COG2: variants seen among roughly 807,000 people sequenced by gnomAD.
COG2 encodes conserved oligomeric Golgi complex subunit 2.
In COG2, 52 loss-of-function variants were observed where a neutral mutation model predicts 90.6. That is an observed-to-expected ratio of 0.57 (90% confidence interval 0.46 to 0.72). COG2 has a LOEUF of 0.72. COG2 is among the 30% of genes least tolerant of loss of function. The pLI, the probability that COG2 is intolerant of heterozygous loss-of-function variation, is 0.00. For missense variants in COG2, 829 were observed against 891.2 expected, an observed-to-expected ratio of 0.93 and a Z score of 0.89; for synonymous variants, 337 against 320.4, an observed-to-expected ratio of 1.05 and a Z score of -0.55.
intron 16 of COG2, among the ~76,000 whole-genome samples, 185 bp from the exon 17 acceptor site, chr1:230,691,197 ATG>A (rs1663017014): frequency 6.6e-6 from 1 of 152,108 alleles, no homozygotes; most frequent in Non-Finnish European, 1.5e-5. Flanking sequence ...ACGTATATAC[ATG>A]TATATATATA....
chr1:230,678,918 T>C lies in COG2; in HGVS notation c.1032T>C (p.Tyr344=), dbSNP rs1437775709. The stretch of plus-strand genomic sequence containing the variant: ...TTCCTTTTGTTTTATTTTAGAAATA[T>C]ACCATAAGTATGGATTTTGTCAGAA... The part of the protein sequence containing the change: ...PGNPDAFHEK[Y]TISMDFVRRL... The change falls in exon 10 of 18, where the codon TAT becomes TAC. Residue 344 remains tyrosine, a synonymous_variant. Coordinates refer to ENST00000366669, the MANE Select transcript of COG2 (RefSeq NM_007357.3). 2 of 1,611,316 alleles carry C rather than the reference T, an allele frequency of 1.2e-6. No homozygotes were observed. The highest frequency in any genetic ancestry group is 1.7e-5 in the Admixed American group (1 of 59,770).
At chr1:230,672,693 TA>T (rs1207308120) in intron 8 of COG2, among the ~76,000 whole-genome samples, 4 of 151,884 alleles carry the variant, frequency 2.6e-5, no homozygotes, top group Non-Finnish European at 5.9e-5. Flanking sequence ...TTTTTTCTCC[TA>T]ATGTTCAGCA....
intron 15 of COG2, among the ~76,000 whole-genome samples, chr1:230,689,528 G>T (rs1365054354): frequency 6.6e-6 from 1 of 152,234 alleles, no homozygotes; most frequent in Non-Finnish European, 1.5e-5. Flanking sequence ...GCTAAGAAAG[G>T]TTACATTCCT....
chr1:230,686,761 C>T (rs1425906235), intron 12 of COG2, among the ~76,000 whole-genome samples, 174 bp from the exon 13 acceptor site: 2 of 152,140 alleles, frequency 1.3e-5, no homozygotes, highest in African/African-American at 4.8e-5. Flanking sequence ...TCTCTTAGTG[C>T]TTCACTCCTT....
chr1:230,666,780 A>T lies in COG2; in HGVS notation c.486-1896A>T, dbSNP rs375469785. Among the ~76,000 whole-genome samples the T allele has an allele frequency of 2.2e-4, 33 of 152,300 alleles. No individual in the cohort carries two copies. In the South Asian group the frequency reaches 2.9e-3, roughly 13 times the overall value. On this transcript the variant is annotated intron_variant, in intron 5 of 17. Transcript: ENST00000366669. ...ATTCCATCCAAATCTAGCTCAAAAC[A>T]TGCTTAAAGTATAGAAAGTTTAAAA...
At chr1:230,686,845 G>T in intron 12 of COG2, 90 bp from the exon 13 acceptor site, 1 of 704,060 alleles carries the variant, frequency 1.4e-6, no homozygotes. Flanking sequence ...AGCATTTAAT[G>T]GTGAGTTATT....
chr1:230,685,257 T>G (rs1289368321), intron 12 of COG2, 21 bp downstream of exon 12: 1 of 1,612,962 alleles, frequency 6.2e-7, no homozygotes, highest in Non-Finnish European at 8.5e-7. Context: ...GCTGTGGAGC[T>G]CATCCATAAT....
intron 17 of COG2, among the ~76,000 whole-genome samples, chr1:230,692,328 A>T (rs1355365222): frequency 6.6e-6 from 1 of 151,706 alleles, no homozygotes; most frequent in Non-Finnish European, 1.5e-5. Flanking sequence ...GTTTTGGAGA[A>T]CTGATACAAT....
intron 1 of COG2, among the ~76,000 whole-genome samples, chr1:230,654,717 C>T (rs1422543398): frequency 1.3e-5 from 2 of 152,164 alleles, no homozygotes; most frequent in African/African-American, 4.8e-5. Flanking sequence ...ATTGATTCTT[C>T]GTATCCATGA....
intron 4 of COG2, among the ~76,000 whole-genome samples, chr1:230,664,018 C>T (rs987450850): frequency 1.3e-5 from 2 of 151,964 alleles, no homozygotes; most frequent in Non-Finnish European, 2.9e-5. Flanking sequence ...AAAACCCTGT[C>T]TTTACAAATA....
chr1:230,691,640 G>A (rs1325306403), intron 17 of COG2, 76 bp downstream of exon 17: 36 of 1,357,534 alleles, frequency 2.7e-5, no homozygotes, highest in Middle Eastern at 2.6e-4. Flanking sequence ...TTGGTGGCTC[G>A]CGTGATCCCA....
chr1:230,669,865 T>A (rs1662406828), intron 7 of COG2: 1 of 219,452 alleles, frequency 4.6e-6, no homozygotes, highest in South Asian at 1.0e-4. Flanking sequence ...TGTTTTCAAA[T>A]CACTGGTCTT....
At chr1:230,651,222 G>A (rs12405479) in intron 1 of COG2, among the ~76,000 whole-genome samples, 6,884 of 152,072 alleles carry the variant, frequency 0.045, 205 homozygotes, top group Middle Eastern at 0.088. Context: ...TTCTGTCCCT[G>A]CTGCAGTAGC....
chr1:230,691,233 T>G, intron 16 of COG2, 151 bp from the exon 17 acceptor site: 1 of 567,612 alleles, frequency 1.8e-6, no homozygotes, highest in Non-Finnish European at 3.0e-6. Flanking sequence ...AAAATGATCT[T>G]AAGAAACTTA....
intron 16 of COG2, among the ~76,000 whole-genome samples, chr1:230,690,640 C>T (rs886792104): frequency 2.6e-5 from 4 of 152,164 alleles, no homozygotes; most frequent in Non-Finnish European, 5.9e-5. Flanking sequence ...ACTTGATTGT[C>T]TTTTTCTAAT....
At chr1:230,682,024 G>C (rs1467671) in intron 10 of COG2, 144,238 of 152,350 alleles carry the variant, frequency 0.95, 68,346 homozygotes, top group East Asian at 0.99. Context: ...CATGTCTTTG[G>C]ATAGTACTAA....
intron 8 of COG2, among the ~76,000 whole-genome samples, chr1:230,673,989 A>G (rs1332417970): frequency 6.6e-6 from 1 of 152,236 alleles, no homozygotes; most frequent in Non-Finnish European, 1.5e-5. Context: ...TTTTGCTAAA[A>G]TAGAACATTT....
chr1:230,647,790 G>T (rs1661824754), intron 1 of COG2, among the ~76,000 whole-genome samples: 1 of 152,068 alleles, frequency 6.6e-6, no homozygotes, highest in South Asian at 2.1e-4. Flanking sequence ...ACCTAATACA[G>T]TGAAATTGTT....
chr1:230,678,434 T>C, intron 9 of COG2: 15 of 985,446 alleles, frequency 1.5e-5, no homozygotes, highest in Non-Finnish European at 1.8e-5. Flanking sequence ...TTAATGGTTT[T>C]GGTACATCTC....
Sources: gnomAD v4.1 joint callset for allele counts (sites outside exome capture counted in the v4.1 genomes callset) on GRCh38, gnomAD v4.1.1 for gene constraint, MANE v1.5 for transcripts, NCBI Gene and HGNC (gene_info 2026-07-23, HGNC 2026-07-21) for gene names.